GSE1: variants seen among roughly 807,000 people sequenced by gnomAD.
GSE1 encodes genetic suppressor element 1.
Under a neutral mutation model 112.6 loss-of-function variants are expected in GSE1, and 32 were observed. That is an observed-to-expected ratio of 0.28 (90% confidence interval 0.21 to 0.38). GSE1 has a LOEUF of 0.38. Ranked by LOEUF, GSE1 falls within the 10% of genes least tolerant of loss-of-function variation. The probability of loss-of-function intolerance (pLI) is 1.00; values close to 1 mark genes in which losing one functional copy is unlikely to be tolerated. For synonymous variants in GSE1, 1,115 were observed against 735.6 expected, an observed-to-expected ratio of 1.52 and a Z score of -8.35; for missense variants, 2,348 against 1,699.2, an observed-to-expected ratio of 1.38 and a Z score of -6.71.
At chr16:85,569,057 C>T (rs191830491) in intron 1 of GSE1, among the ~76,000 whole-genome samples, 35 of 152,292 alleles carry the variant, frequency 2.3e-4, no homozygotes, top group African/African-American at 7.9e-4. Flanking sequence ...GCAACGGAGC[C>T]TCCTCCCAAA....
At chr16:85,325,062 G>A (rs577777759) in intron 1 of GSE1, among the ~76,000 whole-genome samples, 38 of 152,150 alleles carry the variant, frequency 2.5e-4, no homozygotes, top group African/African-American at 9.2e-4. Flanking sequence ...CGACCTCCTG[G>A]ACTCACTTGA....
At chr16:85,608,528 C>T (rs542016619), upstream of GSE1, among the ~76,000 whole-genome samples, 13 of 152,192 alleles carry the variant, frequency 8.5e-5, no homozygotes, top group Admixed American at 2.0e-4. Context: ...TGAGACCTGT[C>T]GTACCCCTGC....
intron 1 of GSE1, among the ~76,000 whole-genome samples, chr16:85,268,918 G>T (rs1213792193): frequency 7.9e-6 from 1 of 125,982 alleles, no homozygotes. Context: ...GGACCAGGGG[G>T]CTAGGCTTGC....
intron 1 of GSE1, among the ~76,000 whole-genome samples, chr16:85,303,326 G>A (rs1196443669): frequency 6.6e-6 from 1 of 152,230 alleles, no homozygotes; most frequent in East Asian, 1.9e-4. Flanking sequence ...GCACACCCTG[G>A]AAGTGAGGGT....
At chr16:85,177,471 G>A (rs1014485732) in intron 1 of GSE1, among the ~76,000 whole-genome samples, 2 of 152,190 alleles carry the variant, frequency 1.3e-5, no homozygotes, top group Admixed American at 1.3e-4. Context: ...GCTCCAGGTG[G>A]GACACTCTTG....
intron 2 of GSE1, among the ~76,000 whole-genome samples, chr16:85,537,482 C>T (rs1230765341): frequency 2.6e-5 from 4 of 152,216 alleles, no homozygotes; most frequent in Non-Finnish European, 4.4e-5. Flanking sequence ...GTCAACGGGG[C>T]TGCCCAGGCG....
intron 1 of GSE1, among the ~76,000 whole-genome samples, chr16:85,184,009 T>A (rs1056870858): frequency 1.3e-5 from 2 of 152,212 alleles, no homozygotes; most frequent in African/African-American, 4.8e-5. Flanking sequence ...GCCTTACTTA[T>A]CATTCCCCAG....
upstream of GSE1, among the ~76,000 whole-genome samples, chr16:85,554,457 A>G (rs1030009405): frequency 2.0e-4 from 31 of 152,152 alleles, no homozygotes; most frequent in Admixed American, 1.6e-3. Flanking sequence ...TATTAGGTCT[A>G]TTTGCCTGGA....
chr16:85,312,708 A>G (rs2045887511), intron 1 of GSE1, among the ~76,000 whole-genome samples: 1 of 151,682 alleles, frequency 6.6e-6, no homozygotes, highest in South Asian at 2.1e-4. Flanking sequence ...GAGGGAGAGG[A>G]GGAGAAAGAG....
upstream of GSE1, among the ~76,000 whole-genome samples, chr16:85,609,649 G>A (rs1371881916): frequency 6.6e-6 from 1 of 152,018 alleles, no homozygotes; most frequent in Non-Finnish European, 1.5e-5. Flanking sequence ...GAGATGGAAA[G>A]CTTTCTTTTT....
rs375954578 is a variant in GSE1, at chr16:85,622,972, G to C, written c.7+9574G>C. Among the ~76,000 whole-genome samples, 3 of 152,286 alleles carry C rather than the reference G, an allele frequency of 2.0e-5. No individual in the cohort carries two copies. In the South Asian group the frequency reaches 6.2e-4, roughly 32 times the overall value. ...GGAAGCTGGCTGGCCTGAGACCATA[G>C]GGAGGGGAGGGGTGCAGACTCTGGC... On this transcript the variant is annotated intron_variant, in intron 1 of 15. Coordinates refer to ENST00000253458, the MANE Select transcript of GSE1 (RefSeq NM_014615.5).
chr16:85,449,205 G>A (rs1373960087), intron 2 of GSE1, among the ~76,000 whole-genome samples: 4 of 152,314 alleles, frequency 2.6e-5, no homozygotes, highest in Admixed American at 6.5e-5. Flanking sequence ...AATGGTGCCC[G>A]TTTCACCTAG....
intron 2 of GSE1, among the ~76,000 whole-genome samples, chr16:85,515,898 G>A (rs1024693758): frequency 6.6e-6 from 1 of 152,204 alleles, no homozygotes; most frequent in Non-Finnish European, 1.5e-5. Flanking sequence ...GCTCTGGCCA[G>A]TGGCTGTTCC....
intron 14 of GSE1, among the ~76,000 whole-genome samples, chr16:85,668,687 G>T (rs1296994931): frequency 1.3e-5 from 2 of 152,352 alleles, no homozygotes; most frequent in East Asian, 3.9e-4. Flanking sequence ...TGTGGGCCCT[G>T]CTCTGTGGGC....
At position 85,517,984 on chromosome 16, in the gene GSE1, G is replaced by C. The variant is rs373240107; in HGVS notation, c.2465-115930G>C. On this transcript the variant is annotated intron_variant, in intron 2 of 2. Transcript: ENST00000637419. ...CTCACAGAGGATGTGTGCTTTGTCA[G>C]GGGCTCTGCCTCCCCGTCGCTTCCT... is the stretch of plus-strand genomic sequence containing the variant. Among the ~76,000 whole-genome samples the C allele has an allele frequency of 1.3e-3, 204 of 152,376 alleles. 1 individual carries two copies. The highest frequency in any genetic ancestry group is 4.7e-3 in the African/African-American group (197 of 41,594).
rs149447788 is a variant in GSE1 at position 85,637,851 on chromosome 16, C to T, written c.226+3719C>T. Among the ~76,000 whole-genome samples, 1,247 of 152,020 alleles carry T rather than the reference C, an allele frequency of 8.2e-3. 12 individuals carry two copies. Among genetic ancestry groups the T allele is most frequent in the Non-Finnish European group, 0.015 (992 of 67,938 alleles). On this transcript the variant is annotated intron_variant, in intron 2 of 15. Transcript: ENST00000253458. ...AGAGCACCAAGCCCCAGCGGGCTAGCGGCTGAGCTGGCCAGCTCAGCGGCC... is the reference window on the plus strand; with the variant it reads ...AGAGCACCAAGCCCCAGCGGGCTAGTGGCTGAGCTGGCCAGCTCAGCGGCC...
chr16:85,260,799 G>A (rs1007017333), intron 1 of GSE1, among the ~76,000 whole-genome samples: 4 of 152,228 alleles, frequency 2.6e-5, no homozygotes, highest in African/African-American at 9.6e-5. Context: ...CACTGTACTG[G>A]GAGCCCCCAC....
intron 1 of GSE1, among the ~76,000 whole-genome samples, chr16:85,192,347 A>C (rs1342200754): frequency 1.3e-5 from 2 of 152,206 alleles, no homozygotes; most frequent in East Asian, 3.9e-4. Flanking sequence ...CCCATCTGTA[A>C]AGGTTAATAG....
intron 2 of GSE1, among the ~76,000 whole-genome samples, chr16:85,523,087 CTGTGTGTGTTGTGTGCGTGTGGTTGTGGT>C (rs563007723): frequency 2.7e-5 from 4 of 150,868 alleles, no homozygotes; most frequent in Non-Finnish European, 5.9e-5. Flanking sequence ...TGTGTGTGGC[CTGTGTGTGTTGTGTGCGTGTGGTTGTGGT>C]TGTGTGTGGC....
Sources: gnomAD v4.1 joint callset for allele counts (sites outside exome capture counted in the v4.1 genomes callset) on GRCh38, gnomAD v4.1.1 for gene constraint, MANE v1.5 for transcripts, NCBI Gene and HGNC (gene_info 2026-07-23, HGNC 2026-07-21) for gene names.